AFDN: variants seen among roughly 807,000 people sequenced by gnomAD.
AFDN encodes the protein afadin, adherens junction formation factor.
Under a neutral mutation model 216.6 loss-of-function variants are expected in AFDN, and 68 were observed. That is an observed-to-expected ratio of 0.31 (90% confidence interval 0.26 to 0.38). AFDN has a LOEUF of 0.38. Among genes scored for constraint, AFDN ranks in the 10% least tolerant of loss-of-function variants. The pLI is 1.00. For missense variants in AFDN, 2,136 were observed against 2,342.0 expected (o/e 0.91, Z 1.82); for synonymous variants, 868 against 853.7 (o/e 1.02, Z -0.29).
intron 26 of AFDN, 123 bp downstream of exon 26, chr6:167,944,182 G>C (rs546972048): frequency 1.3e-5 from 10 of 741,898 alleles, no homozygotes; most frequent in Non-Finnish European, 2.2e-5. Context: ...AGAAATTGAG[G>C]ATGAGAGCGC....
At chr6:167,870,722 ATATT>A (rs1337259391) in intron 3 of AFDN, among the ~76,000 whole-genome samples, 1 of 152,168 alleles carries the variant, frequency 6.6e-6, no homozygotes, top group Non-Finnish European at 1.5e-5. Flanking sequence ...TTTTCAAAGA[ATATT>A]TATGTAAACT....
chr6:167,833,817 T>G (rs1780092731), intron 1 of AFDN, among the ~76,000 whole-genome samples: 1 of 152,186 alleles, frequency 6.6e-6, no homozygotes, highest in South Asian at 2.1e-4. Context: ...AACATTGTAT[T>G]TTTAAGTTTT....
At position 167,965,147 on chromosome 6, in the gene AFDN, GT is replaced by G. The variant is rs397887939; in HGVS notation, c.4969-597del. The stretch of plus-strand genomic sequence containing the variant: ...AGATTGTTACTTTGGGAGAATGAGT[GT>G]TTTTTTTTTTTTCTTCATTTCTGGT... On this transcript the variant is annotated intron_variant, in intron 31 of 33. Coordinates refer to ENST00000683244, the MANE Select transcript of AFDN (RefSeq NM_001386888.1). The G allele has an allele frequency of 9.5e-3, 6,412 of 675,856 alleles. 1 individual carries two copies. Among genetic ancestry groups the G allele is most frequent in the Non-Finnish European group, 0.01 (5,692 of 545,318 alleles). The allele number at this position is 675,856 out of a possible 1,614,324, so 41.9% of individuals were successfully genotyped here. A position where few individuals can be genotyped will look rare whatever the true frequency, so the allele number is the denominator to read the frequency against.
At chr6:167,906,344 A>G (rs1401177962) in intron 12 of AFDN, among the ~76,000 whole-genome samples, 1 of 152,230 alleles carries the variant, frequency 6.6e-6, no homozygotes, top group East Asian at 1.9e-4. Context: ...TTTTTTTATC[A>G]AGAAGATTGT....
chr6:167,891,368 C>G (rs1243295803), intron 8 of AFDN, among the ~76,000 whole-genome samples: 1 of 148,012 alleles, frequency 6.8e-6, no homozygotes, highest in Non-Finnish European at 1.5e-5. Context: ...CCAACAATGA[C>G]AAATTGGTAT....
chr6:167,954,339 G>C, intron 30 of AFDN: 2 of 673,222 alleles, frequency 3.0e-6, no homozygotes, highest in African/African-American at 1.9e-5. Context: ...TCAAGTTGTC[G>C]AAACACAGAT....
chr6:167,896,145 C>T lies in AFDN; in HGVS notation c.1223-733C>T, dbSNP rs138796208. ...GGCTTCGGCAGAGCAGCTTCCTCCTCCTCCTCACCCCTTCCCTGTCATGGA... is the reference window on the plus strand; with the variant it reads ...GGCTTCGGCAGAGCAGCTTCCTCCTTCTCCTCACCCCTTCCCTGTCATGGA... On this transcript the variant is annotated intron_variant, in intron 9 of 33. Transcript: ENST00000683244. Among the ~76,000 whole-genome samples, 576 of 152,068 alleles carry T rather than the reference C, an allele frequency of 3.8e-3. 2 individuals are homozygous for T. Among genetic ancestry groups the T allele is most frequent in the African/African-American group, 0.013 (541 of 41,462 alleles).
intron 2 of AFDN, among the ~76,000 whole-genome samples, chr6:167,868,882 C>T (rs961247431): frequency 6.6e-6 from 1 of 151,390 alleles, no homozygotes; most frequent in African/African-American, 2.4e-5. Flanking sequence ...CCCCCCTCAG[C>T]CCTCCAAGCA....
chr6:167,952,267 G>GC (rs777076458), intron 30 of AFDN, 80 bp downstream of exon 30: 9 of 1,604,224 alleles, frequency 5.6e-6, no homozygotes, highest in African/African-American at 1.3e-5. Flanking sequence ...GGATAGCTAG[G>GC]CCCCTGATCG....
rs555348365 is a variant in AFDN at position 167,970,186 on chromosome 6, G to A, written c.*251G>A. 1.5e-5 allele frequency: 6 copies of A among 404,704 alleles called. No individual in the cohort carries two copies. The highest frequency in any genetic ancestry group is 1.3e-4 in the African/African-American group (6 of 47,550). The allele number at this position is 404,704 out of a possible 1,614,324, so 25.1% of individuals were successfully genotyped here. ...AATTATCTAACTCACACGAGGGTAA[G>A]TTTTTTGTTGGTTTCTTTTTTGGAG... On this transcript the variant is annotated 3_prime_UTR_variant, in exon 34 of 34. Coordinates refer to ENST00000683244, the MANE Select transcript of AFDN (RefSeq NM_001386888.1).
intron 1 of AFDN, among the ~76,000 whole-genome samples, chr6:167,833,242 T>C (rs1354288341): frequency 6.6e-6 from 1 of 152,252 alleles, no homozygotes; most frequent in Admixed American, 6.5e-5. Context: ...GCTCTGCCAC[T>C]GACTATAGTA....
At chr6:167,913,503 T>TA in intron 16 of AFDN, 80 bp downstream of exon 16, 1 of 1,326,430 alleles carries the variant, frequency 7.5e-7, no homozygotes, top group Non-Finnish European at 1.0e-6. Context: ...AAATAAGTAA[T>TA]ACAACAGCTG....
chr6:167,913,433 C>G lies in AFDN; in HGVS notation c.2058+10C>G. ...AGACCAGGTTGACCAGGTAGGACAT[C>G]TGCTGGGAGCTGATCCTAGCTGTGT... is the stretch of plus-strand genomic sequence containing the variant. On this transcript the variant is annotated intron_variant, in intron 16 of 33. Transcript: ENST00000683244. 2.6e-6 allele frequency: 4 copies of G among 1,535,834 alleles called. No homozygotes were observed. The highest frequency in any genetic ancestry group is 2.7e-5 in the African/African-American group (2 of 73,144).
At chr6:167,937,655 T>C (rs1339037838) in intron 23 of AFDN, among the ~76,000 whole-genome samples, 1 of 152,242 alleles carries the variant, frequency 6.6e-6, no homozygotes, top group African/African-American at 2.4e-5. Flanking sequence ...TTCAGATAAA[T>C]TCTGAATATA....
chr6:167,898,411 T>C lies in AFDN; in HGVS notation c.1524T>C (p.Leu508=). 1 of 1,614,196 alleles carries C rather than the reference T, an allele frequency of 6.2e-7. No individual in the cohort carries two copies. Among genetic ancestry groups the C allele is most frequent in the Non-Finnish European group, 8.5e-7 (1 of 1,180,028 alleles). The change falls in exon 11 of 34, where the codon CTT becomes CTC. Residue 508 remains leucine, a synonymous_variant. Coordinates refer to ENST00000683244, the MANE Select transcript of AFDN (RefSeq NM_001386888.1). ...KFVDPSQDHA[L]AKRSVDGGLM... ...TGGACCCCAGTCAGGATCATGCTCT[T>C]GCAAAAAGATCTGTGGATGGAGGCC...
intron 30 of AFDN, among the ~76,000 whole-genome samples, chr6:167,960,606 A>T (rs1379616894): frequency 6.6e-6 from 1 of 152,244 alleles, no homozygotes; most frequent in Non-Finnish European, 1.5e-5. Context: ...TTTCTGTAGA[A>T]TATTTAATAT....
intron 20 of AFDN, among the ~76,000 whole-genome samples, chr6:167,917,841 T>C (rs937778205): frequency 2.6e-5 from 4 of 152,178 alleles, no homozygotes; most frequent in African/African-American, 9.7e-5. Flanking sequence ...AGCATATACA[T>C]AAATCGTGTC....
chr6:167,962,846 G>T lies in AFDN; in HGVS notation c.4968+279G>T. The T allele has an allele frequency of 7.9e-7, 1 of 1,258,044 alleles. No homozygotes were observed. The highest frequency in any genetic ancestry group is 1.0e-6 in the Non-Finnish European group (1 of 994,892). The allele number at this position is 1,258,044 out of a possible 1,614,324, so 77.9% of individuals were successfully genotyped here. ...GTAGCAGTGAGCCTCTTTGCAAAGG[G>T]TTCGTTTCCTCGGGCACTCATCTTT... On this transcript the variant is annotated intron_variant, in intron 31 of 33. Coordinates refer to ENST00000683244, the MANE Select transcript of AFDN (RefSeq NM_001386888.1). The surrounding 1 kb of genome is among the most constrained non-coding windows in gnomAD (Gnocchi z 5.2).
chr6:167,966,092 T>A, intron 32 of AFDN, 47 bp downstream of exon 32: 2 of 1,537,024 alleles, frequency 1.3e-6, no homozygotes, highest in Non-Finnish European at 1.7e-6. Context: ...GGGACCTTCT[T>A]CCTGCCCCTC....
Sources: gnomAD v4.1 joint callset for allele counts (sites outside exome capture counted in the v4.1 genomes callset) on GRCh38, gnomAD v4.1.1 for gene constraint, Gnocchi (gnomAD v3.1) non-coding constraint, MANE v1.5 for transcripts, NCBI Gene and HGNC (gene_info 2026-07-23, HGNC 2026-07-21) for gene names.